Variants in ZDHHC21 observed in about 807,000 individuals in gnomAD.
The protein encoded by ZDHHC21 is palmitoyltransferase ZDHHC21.
A neutral mutation model predicts 34.6 loss-of-function variants in ZDHHC21; 15 were observed. The observed-to-expected ratio is 0.43, with a 90% CI of 0.29 to 0.67. ZDHHC21 has a LOEUF of 0.67. Among genes scored for constraint, ZDHHC21 ranks in the 30% least tolerant of loss-of-function variants. ZDHHC21 has a pLI of 0.14. For missense variants in ZDHHC21, 344 were observed against 327.7 expected, an observed-to-expected ratio of 1.05 and a Z score of -0.38; for synonymous variants, 142 against 101.8, an observed-to-expected ratio of 1.40 and a Z score of -2.38.
chr9:14,639,998 A>G lies in ZDHHC21; in HGVS notation c.519T>C (p.Phe173=). 6.3e-7 allele frequency: 1 copy of G among 1,598,840 alleles called. No individual in the cohort carries two copies. Among genetic ancestry groups the G allele is most frequent in the Non-Finnish European group, 8.5e-7 (1 of 1,172,502 alleles). The change falls in exon 8 of 10, where the codon TTT becomes TTC. Residue 173 remains phenylalanine, a synonymous_variant. Transcript: ENST00000380916. ...LKKRNLDLFV[F]RHELAIMRLA... ...GTCTCATTATGGCCAATTCATGTCT[A>G]AAAACAAAGAGGTCCTAAAAAGAAA... is the stretch of plus-strand genomic sequence containing the variant.
intron 3 of ZDHHC21, chr9:14,677,487 G>A (rs1344061239): frequency 1.3e-5 from 2 of 151,844 alleles, no homozygotes; most frequent in African/African-American, 4.8e-5. Flanking sequence ...TACACATCCT[G>A]AGCAACAACC....
the ZDHHC21 span, among the ~76,000 whole-genome samples, chr9:14,595,188 A>G: frequency 5.3e-5 from 8 of 152,310 alleles, no homozygotes; most frequent in Admixed American, 3.9e-4. Context: ...TAAATAAAAC[A>G]TATGTCCACA....
chr9:14,647,153 G>A (rs938983786), intron 7 of ZDHHC21, among the ~76,000 whole-genome samples: 3 of 152,020 alleles, frequency 2.0e-5, no homozygotes, highest in Non-Finnish European at 4.4e-5. Flanking sequence ...ACATAAACCA[G>A]CAGAGGAGGA....
intron 8 of ZDHHC21, among the ~76,000 whole-genome samples, chr9:14,634,266 G>C (rs777746033): frequency 6.6e-6 from 1 of 152,236 alleles, no homozygotes. Context: ...TTGGGAGGCA[G>C]AGGTTTGTTC....
At chr9:14,686,043 C>T (rs146176646) in intron 2 of ZDHHC21, among the ~76,000 whole-genome samples, 2,487 of 142,220 alleles carry the variant, frequency 0.017, 75 homozygotes, top group African/African-American at 0.061. Flanking sequence ...CATCACACAC[C>T]GGGGCCTGTC....
At chr9:14,680,471 A>T (rs1485088126) in intron 2 of ZDHHC21, among the ~76,000 whole-genome samples, 1 of 152,174 alleles carries the variant, frequency 6.6e-6, no homozygotes, top group East Asian at 1.9e-4. Flanking sequence ...CACTTCCTTG[A>T]CCACAAATCA....
chr9:14,603,251 C>T, the ZDHHC21 span, among the ~76,000 whole-genome samples: 1 of 151,846 alleles, frequency 6.6e-6, no homozygotes, highest in Non-Finnish European at 1.5e-5. Flanking sequence ...GTATTAAACT[C>T]CAAATTATAT....
intron 8 of ZDHHC21, among the ~76,000 whole-genome samples, chr9:14,629,699 C>G (rs1396510153): frequency 6.6e-6 from 1 of 152,108 alleles, no homozygotes; most frequent in Non-Finnish European, 1.5e-5. Context: ...GGTCTTACCT[C>G]CAAGTTGACA....
At chr9:14,606,240 G>T (rs1322057394), downstream of ZDHHC21, among the ~76,000 whole-genome samples, 1 of 152,118 alleles carries the variant, frequency 6.6e-6, no homozygotes, top group African/African-American at 2.4e-5. Context: ...ATGGAATTAT[G>T]TTCTCTCCCG....
intron 2 of ZDHHC21, among the ~76,000 whole-genome samples, chr9:14,685,003 T>G (rs571190259): frequency 1.3e-5 from 2 of 152,192 alleles, no homozygotes; most frequent in East Asian, 1.9e-4. Flanking sequence ...TAGCCATATG[T>G]AGAAAGCTGA....
chr9:14,678,757 A>G (rs1836861314), intron 3 of ZDHHC21, among the ~76,000 whole-genome samples: 1 of 152,148 alleles, frequency 6.6e-6, no homozygotes, highest in Admixed American at 6.6e-5. Context: ...ATATGGCACA[A>G]TCTAAATGTC....
chr9:14,675,788 T>G (rs879601635), intron 3 of ZDHHC21, among the ~76,000 whole-genome samples: 23 of 152,004 alleles, frequency 1.5e-4, no homozygotes, highest in South Asian at 6.2e-4. Context: ...ATGGGACCAG[T>G]TAAACGAGGA....
rs1227406497 is a variant in ZDHHC21, at chr9:14,613,398, G to A, written c.*5568C>T. The A allele has an allele frequency of 6.6e-6, 1 of 151,688 alleles. No individual in the cohort carries two copies. Among genetic ancestry groups the A allele is most frequent in the Non-Finnish European group, 1.5e-5 (1 of 67,768 alleles). The allele number at this position is 151,688 out of a possible 1,614,324, so 9.4% of individuals were successfully genotyped here. A position where few individuals can be genotyped will look rare whatever the true frequency, so the allele number is the denominator to read the frequency against. ...TGAGGTTATAAAACACGAACTTCAG[G>A]CACCAGTAGGTTAAAATATCATCCA... On this transcript the variant is annotated 3_prime_UTR_variant, in exon 10 of 10. Coordinates refer to ENST00000380916, the MANE Select transcript of ZDHHC21 (RefSeq NM_178566.6).
downstream of ZDHHC21, among the ~76,000 whole-genome samples, chr9:14,609,633 A>G (rs1823137475): frequency 6.6e-6 from 1 of 152,084 alleles, no homozygotes; most frequent in South Asian, 2.1e-4. Context: ...TGTATGGCTA[A>G]AAGCAATACT....
At chr9:14,606,074 A>G (rs1823006900), downstream of ZDHHC21, among the ~76,000 whole-genome samples, 1 of 152,234 alleles carries the variant, frequency 6.6e-6, no homozygotes, top group African/African-American at 2.4e-5. Context: ...AATAAAACCC[A>G]GAAGTCATAA....
At chr9:14,657,529 A>G (rs1211305390) in intron 7 of ZDHHC21, among the ~76,000 whole-genome samples, 1 of 152,142 alleles carries the variant, frequency 6.6e-6, no homozygotes, top group East Asian at 1.9e-4. Flanking sequence ...AGAGCCAGAC[A>G]GTTAATATTT....
At chr9:14,662,521 T>C (rs1199143142) in intron 5 of ZDHHC21, among the ~76,000 whole-genome samples, 195 bp from the exon 6 acceptor site, 1 of 152,180 alleles carries the variant, frequency 6.6e-6, no homozygotes, top group Non-Finnish European at 1.5e-5. Flanking sequence ...TTTGTGTGTT[T>C]CTAATTTAAA....
At position 14,612,680 on chromosome 9, in the gene ZDHHC21, ATCTC is replaced by A. The variant is rs138359707; in HGVS notation, c.*6282_*6285del. 1.3e-5 allele frequency: 2 copies of A among 151,306 alleles called. No individual in the cohort carries two copies. The highest frequency in any genetic ancestry group is 3.0e-5 in the Non-Finnish European group (2 of 67,630). The allele number at this position is 151,306 out of a possible 1,614,324, so 9.4% of individuals were successfully genotyped here. A position where few individuals can be genotyped will look rare whatever the true frequency, so the allele number is the denominator to read the frequency against. ...CATATGCATTTCCTCTTGGGAAAGC[ATCTC>A]TCTCTCTGTCTCTCTCTCTGTCTGT... On this transcript the variant is annotated 3_prime_UTR_variant, in exon 10 of 10. Transcript: ENST00000380916.
intron 8 of ZDHHC21, among the ~76,000 whole-genome samples, chr9:14,638,793 C>T (rs1316028810): frequency 6.6e-6 from 1 of 151,914 alleles, no homozygotes; most frequent in Non-Finnish European, 1.5e-5. Context: ...CAGGGAAATG[C>T]AAGTCAAAAC....
Sources: gnomAD v4.1 joint callset for allele counts (sites outside exome capture counted in the v4.1 genomes callset) on GRCh38, gnomAD v4.1.1 for gene constraint, MANE v1.5 for transcripts, NCBI Gene and HGNC (gene_info 2026-07-23, HGNC 2026-07-21) for gene names.